The following TSR1 variants were observed in gnomAD, a reference collection of about 807,000 sequenced individuals.
TSR1 encodes the protein pre-rRNA-processing protein TSR1 homolog.
Under a neutral mutation model 90.9 loss-of-function variants are expected in TSR1, and 81 were observed. The ratio of observed to expected loss-of-function variants is 0.89; its 90% CI spans 0.74 to 1.07. The LOEUF is 1.07. Among genes scored for constraint, TSR1 ranks in the 50% least tolerant of loss-of-function variants. The pLI, the probability that TSR1 is intolerant of heterozygous loss-of-function variation, is 0.00. For synonymous variants in TSR1, 362 were observed against 348.8 expected (o/e 1.04, Z -0.42); for missense variants, 989 against 987.3 (o/e 1.00, Z -0.02).
intron 11 of TSR1, among the ~76,000 whole-genome samples, chr17:2,326,332 C>T (rs534021875): frequency 5.3e-5 from 8 of 152,210 alleles, no homozygotes; most frequent in Admixed American, 1.3e-4. Context: ...TGAACTAGGA[C>T]GATGTTCAGA....
chr17:2,335,856 A>G (rs1300557647), intron 2 of TSR1, 126 bp from the exon 3 acceptor site: 16 of 1,293,002 alleles, frequency 1.2e-5, no homozygotes, highest in Non-Finnish European at 1.6e-5. Flanking sequence ...GACCACAGGT[A>G]TGCCAGCGGG....
Position 2,322,928 on chromosome 17 carries a change from C to A in TSR1, c.*1268G>T, listed in dbSNP as rs1005470021. ...TACAGGGGTCTGCCACCACGCCTGG[C>A]TGATTTTCCTATTTTTAGTTGACAC... On this transcript the variant is annotated 3_prime_UTR_variant, in exon 15 of 15. Transcript: ENST00000301364. 15 of 535,442 alleles carry A rather than the reference C, an allele frequency of 2.8e-5. No homozygotes were observed. The highest frequency in any genetic ancestry group is 6.3e-5 in the Admixed American group (2 of 31,688). 33.2% of individuals were successfully genotyped at this position (535,442 alleles called of 1,614,324 possible). A position where few individuals can be genotyped will look rare whatever the true frequency, so the allele number is the denominator to read the frequency against.
chr17:2,323,941 T>A lies in TSR1; in HGVS notation c.*255A>T. ...CTGAAGACATTTTGTTTCCTAGTAT[T>A]GTCAACTCTTAGTTATCAGATTCTT... On this transcript the variant is annotated 3_prime_UTR_variant, in exon 15 of 15. Coordinates refer to ENST00000301364, the MANE Select transcript of TSR1 (RefSeq NM_018128.5). 1 of 1,398,310 alleles carries A rather than the reference T, an allele frequency of 7.2e-7. No homozygotes were observed. The highest frequency in any genetic ancestry group is 2.3e-5 in the East Asian group (1 of 43,196). 86.6% of individuals were successfully genotyped at this position (1,398,310 alleles called of 1,614,324 possible). A position where few individuals can be genotyped will look rare whatever the true frequency, so the allele number is the denominator to read the frequency against.
chr17:2,332,846 A>C, intron 7 of TSR1, 115 bp downstream of exon 7: 1 of 1,101,896 alleles, frequency 9.1e-7, no homozygotes, highest in Non-Finnish European at 1.3e-6. Context: ...CATAAAAAAA[A>C]AATAAAAAAA....
chr17:2,323,092 T>C lies in TSR1; in HGVS notation c.*1104A>G. On this transcript the variant is annotated 3_prime_UTR_variant, in exon 15 of 15. Coordinates refer to ENST00000301364, the MANE Select transcript of TSR1 (RefSeq NM_018128.5). ...TATTTTCTTTTAGACATGCAGGCAA[T>C]GTTGTGGTTTGTTGTTAAGATGTCT... 1 of 1,582,962 alleles carries C rather than the reference T, an allele frequency of 6.3e-7. No homozygotes were observed.
chr17:2,326,620 A>G (rs2075577535), intron 11 of TSR1, among the ~76,000 whole-genome samples: 1 of 152,122 alleles, frequency 6.6e-6, no homozygotes. Flanking sequence ...TCTACCTTCA[A>G]TGTAGCCCTC....
In TSR1 at chr17:2,323,345, G is replaced by C. The variant is rs1195767653; in HGVS notation, c.*851C>G. 6.2e-7 allele frequency: 1 copy of C among 1,613,912 alleles called. No individual in the cohort carries two copies. Among genetic ancestry groups the C allele is most frequent in the Non-Finnish European group, 8.5e-7 (1 of 1,179,862 alleles). On this transcript the variant is annotated 3_prime_UTR_variant, in exon 15 of 15. Transcript: ENST00000301364. ...TCACTGTCACAGAGGATGAAATTAA[G>C]GTGAGGCTCCAGCAAGAAAAGAAAT...
Position 2,333,544 on chromosome 17 carries a change from T to C in TSR1, c.1141+13A>G. On this transcript the variant is annotated intron_variant, in intron 6 of 14. Transcript: ENST00000301364. Reference sequence around the variant, plus strand: ...AGGTCAGATGAATTACAGACAAGTTTACCAATACTGACCCTTTGCCTCGCT... The same window carrying C: ...AGGTCAGATGAATTACAGACAAGTTCACCAATACTGACCCTTTGCCTCGCT... The C allele has an allele frequency of 1.2e-6, 2 of 1,614,034 alleles. No individual in the cohort carries two copies. The highest frequency in any genetic ancestry group is 2.2e-5 in the South Asian group (2 of 91,080).
At position 2,333,336 on chromosome 17, in the gene TSR1, T is replaced by C. The variant is rs183880783; in HGVS notation, c.1142-212A>G. 542 of 851,040 alleles carry C rather than the reference T, an allele frequency of 6.4e-4. 2 individuals are homozygous for C. The African/African-American group carries it at 7.9e-3, about 12-fold the overall frequency. The allele number at this position is 851,040 out of a possible 1,614,324, so 52.7% of individuals were successfully genotyped here. A position where few individuals can be genotyped will look rare whatever the true frequency, so the allele number is the denominator to read the frequency against. The stretch of plus-strand genomic sequence containing the variant: ...AGCCCTGCAATGAATCCAAAGTTGT[T>C]TATCTGTTCATGATAAAACATTAAC... On this transcript the variant is annotated intron_variant, in intron 6 of 14. Coordinates refer to ENST00000301364, the MANE Select transcript of TSR1 (RefSeq NM_018128.5).
At position 2,333,000 on chromosome 17, in the gene TSR1, A is replaced by G. The variant is rs1439851317; in HGVS notation, c.1266T>C (p.Asp422=). The G allele has an allele frequency of 1.9e-6, 3 of 1,613,952 alleles. No individual in the cohort carries two copies. The African/African-American group carries it at 4.0e-5, about 22-fold the overall frequency. ...CCATAAAATCCTCATGTTCCATATC[A>G]TCATATTCATATTCATCTCCTTCCC... ...SGGEGDEYEY[D]DMEHEDFMEE... is the part of the protein sequence containing the mutation. Residue 422 remains aspartate (D), a synonymous_variant, in exon 7 of 15, where the codon GAT becomes GAC. Coordinates refer to ENST00000301364, the MANE Select transcript of TSR1 (RefSeq NM_018128.5).
At chr17:2,324,957 A>T in intron 12 of TSR1, 128 bp from the exon 13 acceptor site, 1 of 1,058,068 alleles carries the variant, frequency 9.5e-7, no homozygotes. Context: ...ATCTGAGGCT[A>T]AGATTGGTAA....
At chr17:2,331,295 A>G (rs1022585281) in intron 8 of TSR1, among the ~76,000 whole-genome samples, 186 bp from the exon 9 acceptor site, 1 of 152,216 alleles carries the variant, frequency 6.6e-6, no homozygotes, top group Non-Finnish European at 1.5e-5. Flanking sequence ...ATCGGAACCA[A>G]ACCCAAGCTT....
chr17:2,330,206 C>A, intron 10 of TSR1: 1 of 503,318 alleles, frequency 2.0e-6, no homozygotes, highest in South Asian at 1.5e-5. Flanking sequence ...CAGGCGTGAG[C>A]CGCCGCGCCC....
At chr17:2,336,234 T>C in intron 1 of TSR1, 94 bp from the exon 2 acceptor site, 2 of 1,602,314 alleles carry the variant, frequency 1.2e-6, no homozygotes, top group Non-Finnish European at 1.7e-6. Context: ...GCCTTTCGCG[T>C]GGAGCCCAGA....
intron 12 of TSR1, 128 bp downstream of exon 12, chr17:2,325,176 T>C: frequency 5.6e-6 from 4 of 717,846 alleles, no homozygotes; most frequent in Non-Finnish European, 9.1e-6. Flanking sequence ...AATGAAGACT[T>C]ACTGTATTTT....
intron 11 of TSR1, among the ~76,000 whole-genome samples, chr17:2,326,046 G>C (rs894869552): frequency 2.0e-5 from 3 of 152,042 alleles, no homozygotes; most frequent in Admixed American, 2.0e-4. Context: ...TCTGCCTCAG[G>C]CTCCCGAATA....
chr17:2,336,184 G>A (rs1251515885), intron 1 of TSR1, 44 bp from the exon 2 acceptor site: 17 of 1,607,812 alleles, frequency 1.1e-5, no homozygotes, highest in Non-Finnish European at 1.4e-5. Context: ...GGCCCCACAA[G>A]GTCAAGAAAA....
rs889887292 is a variant in TSR1, at chr17:2,322,489, A to T, written c.*1707T>A. ...GCTCTTACTTGGGCAGAAATGTATT[A>T]CTTATTGTGCCTATTTTCTTTTTTT... On this transcript the variant is annotated 3_prime_UTR_variant, in exon 15 of 15. Coordinates refer to ENST00000301364, the MANE Select transcript of TSR1 (RefSeq NM_018128.5). 1 of 152,036 alleles carries T rather than the reference A, an allele frequency of 6.6e-6. No individual in the cohort carries two copies. The highest frequency in any genetic ancestry group is 1.5e-5 in the Non-Finnish European group (1 of 68,104). 9.4% of individuals were successfully genotyped at this position (152,036 alleles called of 1,614,324 possible). A position where few individuals can be genotyped will look rare whatever the true frequency, so the allele number is the denominator to read the frequency against.
rs2064084813 is a variant in TSR1 at position 2,336,412 on chromosome 17, G to GGCGGTGGGCCGCCATGCCGCA, written c.-6_15dup (p.Arg5_Pro6insCysGlyMetAlaAlaHisArg). 6.2e-7 allele frequency: 1 copy of GGCGGTGGGCCGCCATGCCGCA among 1,611,600 alleles called. No individual in the cohort carries two copies. The highest frequency in any genetic ancestry group is 8.5e-7 in the Non-Finnish European group (1 of 1,179,974). The stretch of plus-strand genomic sequence containing the variant: ...TTATTCTGCTGCTTGAGCGGGCCGG[G>GGCGGTGGGCCGCCATGCCGCA]GCGGTGGGCCGCCATGCCGCAGCGC... On this transcript the variant is annotated inframe_insertion, in exon 1 of 15. Coordinates refer to ENST00000301364, the MANE Select transcript of TSR1 (RefSeq NM_018128.5).
Sources: gnomAD v4.1 joint callset for allele counts (sites outside exome capture counted in the v4.1 genomes callset) on GRCh38, gnomAD v4.1.1 for gene constraint, MANE v1.5 for transcripts, NCBI Gene and HGNC (gene_info 2026-07-23, HGNC 2026-07-21) for gene names.